The following GABRA5 variants were observed in gnomAD, a reference collection of about 807,000 sequenced individuals.
GABRA5 encodes gamma-aminobutyric acid receptor subunit alpha-5.
GABRA5 carries 18 observed loss-of-function variants against 47.3 expected under a neutral mutation model. The ratio of observed to expected loss-of-function variants is 0.38; its 90% CI spans 0.26 to 0.56. GABRA5 has a LOEUF of 0.56. GABRA5 is among the 20% of genes least tolerant of loss of function. The pLI, the probability that GABRA5 is intolerant of heterozygous loss-of-function variation, is 0.71. For synonymous variants in GABRA5, 237 were observed against 229.3 expected (o/e 1.03, Z -0.30); for missense variants, 365 against 599.3 (o/e 0.61, Z 4.08).
chr15:26,871,704 T>C lies in GABRA5; in HGVS notation c.86+2370T>C, dbSNP rs1892476872. 2.6e-5 allele frequency among the ~76,000 whole-genome samples: 4 copies of C among 152,182 alleles called. 1 individual carries two copies. The South Asian group carries it at 8.3e-4, about 32-fold the overall frequency. ...GATCAGGCTGTGCAGTTTGGTACTG[T>C]GCTTTTTTCCTACCCAATACATGAT... On this transcript the variant is annotated intron_variant, in intron 3 of 10. Transcript: ENST00000335625.
intron 7 of GABRA5, among the ~76,000 whole-genome samples, chr15:26,932,269 G>T (rs1030279371): frequency 4.6e-5 from 7 of 151,918 alleles, no homozygotes; most frequent in Admixed American, 3.3e-4. Flanking sequence ...AAACAAATTT[G>T]CAAGGAAAAA....
intron 9 of GABRA5, 126 bp from the exon 10 acceptor site, chr15:26,943,083 CAAAATA>C (rs746807058): frequency 2.6e-5 from 18 of 681,222 alleles, no homozygotes; most frequent in Middle Eastern, 4.1e-4. Context: ...GACTCTGTCT[CAAAATA>C]AAAATAAAAA....
chr15:26,885,025 G>A (rs1038767060), intron 6 of GABRA5, among the ~76,000 whole-genome samples: 2 of 152,080 alleles, frequency 1.3e-5, no homozygotes, highest in East Asian at 3.9e-4. Flanking sequence ...GGCCAGGCAC[G>A]GTGGCTCACG....
At chr15:26,880,104 C>G (rs1330075133) in intron 3 of GABRA5, among the ~76,000 whole-genome samples, 2 of 152,206 alleles carry the variant, frequency 1.3e-5, no homozygotes, top group Non-Finnish European at 2.9e-5. Context: ...AGGGCAGTTT[C>G]TAGTTTTGTT....
At chr15:26,939,757 C>T (rs760171247) in intron 8 of GABRA5, among the ~76,000 whole-genome samples, 168 bp from the exon 9 acceptor site, 4 of 152,004 alleles carry the variant, frequency 2.6e-5, no homozygotes, top group African/African-American at 4.8e-5. Context: ...ATAAAATGAC[C>T]GATAACAAAT....
chr15:26,944,302 G>A (rs768255899), intron 10 of GABRA5, among the ~76,000 whole-genome samples: 10 of 152,198 alleles, frequency 6.6e-5, no homozygotes, highest in Non-Finnish European at 1.0e-4. Flanking sequence ...CCACAGCCCC[G>A]TGCTTGCTCT....
In GABRA5 at chr15:26,947,916, T is replaced by C; in HGVS notation, c.1090-18T>C. The C allele has an allele frequency of 6.4e-7, 1 of 1,555,310 alleles. No homozygotes were observed. The highest frequency in any genetic ancestry group is 8.7e-7 in the Non-Finnish European group (1 of 1,148,156). ...GCCTGCAAATGGCGTGTCCTTACAT[T>C]CGTATTATATTTTGCAGAAAAAGCG... On this transcript the variant is annotated intron_variant, in intron 10 of 10. Coordinates refer to ENST00000335625, the MANE Select transcript of GABRA5 (RefSeq NM_000810.4).
At chr15:26,894,552 G>A (rs901720262) in intron 6 of GABRA5, among the ~76,000 whole-genome samples, 5 of 152,044 alleles carry the variant, frequency 3.3e-5, no homozygotes, top group African/African-American at 1.2e-4. Flanking sequence ...CTGGTCCCAT[G>A]ATGTCAAGCC....
intron 6 of GABRA5, among the ~76,000 whole-genome samples, chr15:26,904,379 T>C (rs141680077): frequency 1.3e-4 from 20 of 152,246 alleles, no homozygotes; most frequent in African/African-American, 4.6e-4. Flanking sequence ...TGTAGTATAG[T>C]TTGAAGTTGG....
chr15:26,878,979 T>G (rs2140250493), intron 3 of GABRA5, among the ~76,000 whole-genome samples: 1 of 152,344 alleles, frequency 6.6e-6, no homozygotes, highest in South Asian at 2.1e-4. Flanking sequence ...GAGACATCAC[T>G]GTGGCTGCAC....
At chr15:26,942,032 G>A (rs1894396504) in intron 9 of GABRA5, among the ~76,000 whole-genome samples, 2 of 152,160 alleles carry the variant, frequency 1.3e-5, no homozygotes, top group Admixed American at 6.5e-5. Context: ...CGCCCACACA[G>A]GTGCACGCTT....
chr15:26,917,013 A>C (rs1893731899), intron 7 of GABRA5, among the ~76,000 whole-genome samples: 1 of 152,112 alleles, frequency 6.6e-6, no homozygotes, highest in Non-Finnish European at 1.5e-5. Context: ...TGTCATCTAT[A>C]GATAGGGAGA....
intron 6 of GABRA5, among the ~76,000 whole-genome samples, chr15:26,886,122 C>T (rs1188436597): frequency 1.3e-5 from 2 of 152,036 alleles, no homozygotes; most frequent in East Asian, 1.9e-4. Context: ...CGGGTTCGAG[C>T]GATTCTCTTG....
intron 6 of GABRA5, among the ~76,000 whole-genome samples, chr15:26,911,382 CACACACACACACACAA>C (rs907401944): frequency 1.4e-5 from 2 of 145,566 alleles, no homozygotes; most frequent in Non-Finnish European, 3.1e-5. Flanking sequence ...CACACACACA[CACACACACACACACAA>C]ACACACACAC....
intron 3 of GABRA5, among the ~76,000 whole-genome samples, chr15:26,879,285 T>C (rs1892670160): frequency 1.3e-5 from 2 of 152,198 alleles, no homozygotes; most frequent in South Asian, 4.1e-4. Context: ...GTTTGACCAA[T>C]AGTTACACAA....
intron 10 of GABRA5, among the ~76,000 whole-genome samples, chr15:26,944,414 TA>T (rs1259564808): frequency 6.6e-6 from 1 of 152,164 alleles, no homozygotes; most frequent in Non-Finnish European, 1.5e-5. Flanking sequence ...AGTTTCAGCA[TA>T]GAAGCCCCAC....
chr15:26,941,439 C>T (rs181573028), intron 9 of GABRA5, among the ~76,000 whole-genome samples: 2 of 148,556 alleles, frequency 1.3e-5, no homozygotes, highest in Non-Finnish European at 3.0e-5. Context: ...GTGGATTTCT[C>T]AAAAAAAAAA....
chr15:26,895,385 C>G (rs1893157300), intron 6 of GABRA5, among the ~76,000 whole-genome samples: 1 of 152,130 alleles, frequency 6.6e-6, no homozygotes, highest in South Asian at 2.1e-4. Context: ...ACTTCTGTGC[C>G]TGTGCAGGCT....
chr15:26,872,338 G>C (rs968881522), intron 3 of GABRA5, among the ~76,000 whole-genome samples: 1 of 152,204 alleles, frequency 6.6e-6, no homozygotes, highest in Admixed American at 6.5e-5. Flanking sequence ...TAGCTGGGAA[G>C]GAGGGAGGAT....
Sources: gnomAD v4.1 joint callset for allele counts (sites outside exome capture counted in the v4.1 genomes callset) on GRCh38, gnomAD v4.1.1 for gene constraint, MANE v1.5 for transcripts, NCBI Gene and HGNC (gene_info 2026-07-23, HGNC 2026-07-21) for gene names.